Variants in ALG8 observed in about 807,000 individuals in gnomAD.
The protein encoded by ALG8 is ALG8 alpha-1,3-glucosyltransferase, also known as dolichyl pyrophosphate Glc1Man9GlcNAc2 alpha-1,3-glucosyltransferase.
ALG8 carries 48 observed loss-of-function variants against 70.2 expected under a neutral mutation model. The observed-to-expected ratio is 0.68, with a 90% CI of 0.54 to 0.87. The LOEUF (loss-of-function observed/expected upper bound fraction) is 0.87, where lower values mean the gene tolerates loss of function less well. Among genes scored for constraint, ALG8 ranks in the 40% least tolerant of loss-of-function variants. The pLI, the probability that ALG8 is intolerant of heterozygous loss-of-function variation, is 0.00. For missense variants in ALG8, 572 were observed against 608.7 expected, an observed-to-expected ratio of 0.94 and a Z score of 0.64; for synonymous variants, 234 against 229.0, an observed-to-expected ratio of 1.02 and a Z score of -0.20.
chr11:78,100,974 T>C lies in ALG8; in HGVS notation c.1571A>G (p.Lys524Arg). Residue 524 changes from lysine (K) to arginine (R), a missense_variant, in exon 13 of 13, where the codon AAG (lysine) becomes AGG (arginine). By Grantham distance (26) the Lys-to-Arg change is conservative (BLOSUM62 2). Transcript: ENST00000299626. ...VLIDSAIGKT[K>R]KQ is the part of the protein sequence containing the mutation. The stretch of plus-strand genomic sequence containing the variant: ...AAGCAGTTCCTTTATTCATTGTTTC[T>C]TTGTCTTGCCAATAGCAGAGTCAAT... The C allele has an allele frequency of 6.2e-7, 1 of 1,613,996 alleles. No individual in the cohort carries two copies. Among genetic ancestry groups the C allele is most frequent in the Non-Finnish European group, 8.5e-7 (1 of 1,179,816 alleles).
intron 2 of ALG8, among the ~76,000 whole-genome samples, chr11:78,125,268 G>A (rs1310670870): frequency 4.6e-5 from 7 of 151,680 alleles, no homozygotes; most frequent in Admixed American, 3.3e-4. Context: ...TCCTGACTTC[G>A]TGATCCGCCC....
At chr11:78,136,921 G>A (rs891610811) in intron 1 of ALG8, among the ~76,000 whole-genome samples, 1 of 147,662 alleles carries the variant, frequency 6.8e-6, no homozygotes. Flanking sequence ...TTTTTTTTGA[G>A]ACAGAGTTTC....
At chr11:78,123,582 G>A (rs1205763513) in intron 3 of ALG8, among the ~76,000 whole-genome samples, 1 of 152,148 alleles carries the variant, frequency 6.6e-6, no homozygotes, top group Non-Finnish European at 1.5e-5. Context: ...TAGAATGAAA[G>A]CTCCGTAAAA....
chr11:78,114,175 G>T lies in ALG8; in HGVS notation c.673+91C>A, dbSNP rs955606485. On this transcript the variant is annotated intron_variant, in intron 6 of 12. Coordinates refer to ENST00000299626, the MANE Select transcript of ALG8 (RefSeq NM_024079.5). ...GATTAGCAGCTGAGATATCTGCTGT[G>T]CTTCATAAAACCTTCTTATCAAGCA... 5 of 1,551,918 alleles carry T rather than the reference G, an allele frequency of 3.2e-6. No homozygotes were observed. In the South Asian group the frequency reaches 3.4e-5, roughly 11 times the overall value.
Position 78,101,108 on chromosome 11 carries a change from AG to A in ALG8, c.1436del (p.Pro479LeufsTer7), listed in dbSNP as rs1859776393. 6.2e-7 allele frequency: 1 copy of A among 1,614,204 alleles called. No homozygotes were observed. The highest frequency in any genetic ancestry group is 8.5e-7 in the Non-Finnish European group (1 of 1,180,020). On this transcript the variant is annotated frameshift_variant, in exon 13 of 13. Transcript: ENST00000299626. LOFTEE classifies it high-confidence loss of function. ...GGTACTTCACCTTCCAGGAGGTGAA[AG>A]GGAATACAAATTCACAGCAGACTTC... is the stretch of plus-strand genomic sequence containing the variant. ...PLEVCCEFVF[P>X]FTSWKVKYPF... is the part of the protein sequence containing the mutation.
chr11:78,128,019 T>C (rs1861151301), intron 1 of ALG8, among the ~76,000 whole-genome samples: 1 of 152,192 alleles, frequency 6.6e-6, no homozygotes, highest in African/African-American at 2.4e-5. Flanking sequence ...AACTTTTTCT[T>C]ACAGGCGGCC....
intron 1 of ALG8, among the ~76,000 whole-genome samples, chr11:78,128,927 C>T (rs55734238): frequency 6.6e-6 from 1 of 151,790 alleles, no homozygotes; most frequent in Admixed American, 6.6e-5. Context: ...TCCCAAATTT[C>T]AATATGCAAC....
rs756116666 is a variant in ALG8 at position 78,112,576 on chromosome 11, G to A, written c.898+74C>T. ...AATTCAGCCACATTCAAAACACAAA[G>A]GTTTTTCCATTTCTCCATGTGCCTA... On this transcript the variant is annotated intron_variant, in intron 8 of 12. Transcript: ENST00000299626. 4 of 1,596,086 alleles carry A rather than the reference G, an allele frequency of 2.5e-6. No individual in the cohort carries two copies. The Admixed American group carries it at 6.7e-5, about 27-fold the overall frequency.
chr11:78,122,696 T>C (rs1305678814), intron 3 of ALG8, among the ~76,000 whole-genome samples: 1 of 152,160 alleles, frequency 6.6e-6, no homozygotes, highest in Admixed American at 6.6e-5. Context: ...ATGAATTCTA[T>C]TTCCTCTCCC....
chr11:78,120,467 A>G (rs1336362448), intron 4 of ALG8, among the ~76,000 whole-genome samples: 1 of 151,778 alleles, frequency 6.6e-6, no homozygotes, highest in Non-Finnish European at 1.5e-5. Flanking sequence ...ATTAAGCCTC[A>G]GAGACATTCA....
chr11:78,135,074 T>C (rs1861482961), intron 1 of ALG8, among the ~76,000 whole-genome samples: 1 of 152,160 alleles, frequency 6.6e-6, no homozygotes, highest in Non-Finnish European at 1.5e-5. Context: ...TCAAAACTGA[T>C]TGGGCATGGT....
At position 78,114,313 on chromosome 11, in the gene ALG8, T is replaced by C. The variant is rs1860458015; in HGVS notation, c.626A>G (p.Tyr209Cys). Residue 209 changes from tyrosine to cysteine, a missense_variant, in exon 6 of 13, where the codon TAT (tyrosine) becomes TGT (cysteine). Transcript: ENST00000299626. ...GTAGGATCGCAGCAGATATACACCA[T>C]AAGCTGGTGCTACATAGAGGTAGAT... ...KHIYLYVAPA[Y>C]GVYLLRSYCF... The C allele has an allele frequency of 5.6e-6, 9 of 1,614,012 alleles. No individual in the cohort carries two copies. The highest frequency in any genetic ancestry group is 6.8e-6 in the Non-Finnish European group (8 of 1,180,014).
At chr11:78,121,237 G>A in intron 3 of ALG8, 63 bp from the exon 4 acceptor site, 1 of 1,156,676 alleles carries the variant, frequency 8.6e-7, no homozygotes, top group Non-Finnish European at 1.3e-6. Context: ...CATCACTTCT[G>A]CAGAGTAAAC....
chr11:78,124,340 C>T, intron 2 of ALG8, 126 bp from the exon 3 acceptor site: 3 of 910,828 alleles, frequency 3.3e-6, no homozygotes, highest in East Asian at 2.6e-5. Context: ...TGGTAGCTCA[C>T]ACCTGTAACC....
Position 78,124,210 on chromosome 11 carries a change from G to A in ALG8, c.179C>T (p.Thr60Ile). 6.2e-7 allele frequency: 1 copy of A among 1,614,098 alleles called. No homozygotes were observed. The highest frequency in any genetic ancestry group is 8.5e-7 in the Non-Finnish European group (1 of 1,179,958). ...LPISQWYYEA[T>I]SEWTLDYPPF... ...GGGGTAATCCAACGTCCACTCTGAA[G>A]TTGCCTGTGATAAAAATAGAAGATC... The change falls in exon 3 of 13, where the codon ACT becomes ATT. Residue 60 changes from threonine (T) to isoleucine (I), a missense_variant. Thr to Ile is a moderately conservative substitution (Grantham distance 89, BLOSUM62 -1). Coordinates refer to ENST00000299626, the MANE Select transcript of ALG8 (RefSeq NM_024079.5).
intron 1 of ALG8, among the ~76,000 whole-genome samples, chr11:78,138,341 G>A (rs1861634613): frequency 7.5e-6 from 1 of 133,632 alleles, no homozygotes; most frequent in Non-Finnish European, 1.5e-5. Flanking sequence ...AGAGTGGGAC[G>A]AGACTGTCTC....
chr11:78,108,398 C>G (rs968952890), intron 9 of ALG8, among the ~76,000 whole-genome samples: 1 of 152,098 alleles, frequency 6.6e-6, no homozygotes, highest in Non-Finnish European at 1.5e-5. Context: ...CCACTGCACT[C>G]CAGCCTGGAT....
chr11:78,131,231 G>T (rs1270553793), intron 1 of ALG8, among the ~76,000 whole-genome samples: 1 of 151,696 alleles, frequency 6.6e-6, no homozygotes, highest in Non-Finnish European at 1.5e-5. Flanking sequence ...TTGCTGAAAT[G>T]ACACTTGAAA....
At chr11:78,117,134 T>C (rs1860610078) in intron 5 of ALG8, among the ~76,000 whole-genome samples, 1 of 152,208 alleles carries the variant, frequency 6.6e-6, no homozygotes, top group African/African-American at 2.4e-5. Flanking sequence ...CCAATGTCCC[T>C]GTGAGGTAAG....
Sources: allele counts gnomAD v4.1 joint callset (sites outside exome capture counted in the v4.1 genomes callset), GRCh38; gene constraint gnomAD v4.1.1; transcripts MANE v1.5; gene names NCBI Gene and HGNC (gene_info 2026-07-23, HGNC 2026-07-21).